WWP2: variants seen among roughly 807,000 people sequenced by gnomAD.
WWP2 encodes the protein NEDD4-like E3 ubiquitin-protein ligase WWP2.
A neutral mutation model predicts 121.0 loss-of-function variants in WWP2; 57 were observed. That is an observed-to-expected ratio of 0.47 (90% CI 0.38 to 0.59). The LOEUF is 0.59. WWP2 is among the 20% of genes least tolerant of loss of function. The pLI is 0.00. For missense variants in WWP2, 962 were observed against 1,158.9 expected (o/e 0.83, Z 2.47); for synonymous variants, 449 against 441.3 (o/e 1.02, Z -0.22).
chr16:69,927,737 G>A (rs1377957029), intron 11 of WWP2, among the ~76,000 whole-genome samples: 1 of 152,278 alleles, frequency 6.6e-6, no homozygotes, highest in East Asian at 1.9e-4. Flanking sequence ...CTCTTGGGAA[G>A]CCTTCCTTCT....
intron 8 of WWP2, among the ~76,000 whole-genome samples, chr16:69,895,635 C>CT (rs2058093900): frequency 6.6e-6 from 1 of 152,120 alleles, no homozygotes; most frequent in Admixed American, 6.5e-5. Flanking sequence ...CTGTGTGCAC[C>CT]TGTGATCCTA....
chr16:69,780,334 T>G (rs546479761), intron 1 of WWP2, among the ~76,000 whole-genome samples: 1 of 152,006 alleles, frequency 6.6e-6, no homozygotes, highest in South Asian at 2.1e-4. Context: ...TCAGGTACTA[T>G]ATAGCATTCC....
chr16:69,831,427 G>C (rs1335737180), intron 4 of WWP2, among the ~76,000 whole-genome samples: 1 of 152,076 alleles, frequency 6.6e-6, no homozygotes, highest in African/African-American at 2.4e-5. Context: ...ATAGTAGCAT[G>C]GTCTGGCAGT....
intron 16 of WWP2, 63 bp downstream of exon 16, chr16:69,931,953 G>T: frequency 6.8e-7 from 1 of 1,478,496 alleles, no homozygotes; most frequent in Admixed American, 1.8e-5. Context: ...AGCATCAATG[G>T]CCAGAAAGCT....
At chr16:69,785,202 C>T (rs113126692) in intron 1 of WWP2, among the ~76,000 whole-genome samples, 9 of 143,080 alleles carry the variant, frequency 6.3e-5, no homozygotes, top group African/African-American at 2.1e-4. Context: ...TACTGTACCA[C>T]TCCAGCTTAG....
intron 1 of WWP2, among the ~76,000 whole-genome samples, chr16:69,786,555 AT>A (rs749433267): frequency 3.5e-5 from 5 of 143,470 alleles, no homozygotes; most frequent in East Asian, 2.1e-4. Context: ...GGCTCAAGTG[AT>A]TCTCCTGCCT....
chr16:69,909,585 T>A (rs1476448716), intron 9 of WWP2: 4 of 985,292 alleles, frequency 4.1e-6, no homozygotes, highest in Non-Finnish European at 4.8e-6. Context: ...TGAGTTTTCC[T>A]TTTTTCCGTA....
intron 19 of WWP2, chr16:69,936,729 C>T (rs2058804624): frequency 1.9e-6 from 1 of 524,820 alleles, no homozygotes; most frequent in Admixed American, 3.2e-5. Context: ...CAAGCTGAGA[C>T]ATCTGCATCT....
At chr16:69,931,488 C>A (rs972878896) in intron 14 of WWP2, 21 bp from the exon 15 acceptor site, 117 of 1,610,770 alleles carry the variant, frequency 7.3e-5, no homozygotes, top group Non-Finnish European at 9.7e-5. Context: ...ATTTAAAGTT[C>A]TTTTCTTTTT....
chr16:69,874,012 C>G (rs1315871883), intron 7 of WWP2, among the ~76,000 whole-genome samples: 1 of 152,050 alleles, frequency 6.6e-6, no homozygotes, highest in East Asian at 1.9e-4. Flanking sequence ...TCTTCAAAAG[C>G]CAGGCGTCTC....
chr16:69,839,598 A>G (rs867159640), intron 4 of WWP2, among the ~76,000 whole-genome samples: 44 of 152,116 alleles, frequency 2.9e-4, no homozygotes, highest in African/African-American at 9.2e-4. Context: ...CATTGTTTTA[A>G]CTTTTTTTTC....
intron 7 of WWP2, among the ~76,000 whole-genome samples, chr16:69,877,112 A>G (rs1039396624): frequency 2.6e-5 from 4 of 152,202 alleles, no homozygotes; most frequent in African/African-American, 9.7e-5. Context: ...TTATCTATGA[A>G]TGTCCAAGAT....
intron 4 of WWP2, among the ~76,000 whole-genome samples, chr16:69,824,118 T>G (rs2056641258): frequency 6.6e-6 from 1 of 152,212 alleles, no homozygotes; most frequent in East Asian, 1.9e-4. Context: ...CACCAGTCAT[T>G]CGGGCGGCTT....
At chr16:69,939,316 C>T (rs758221040) in intron 22 of WWP2, 25 bp from the exon 23 acceptor site, 45 of 1,613,768 alleles carry the variant, frequency 2.8e-5, no homozygotes, top group Admixed American at 6.7e-5. Context: ...CTGCTGACGT[C>T]GGCGTGTTTT....
At chr16:69,874,307 G>A (rs936463203) in intron 7 of WWP2, among the ~76,000 whole-genome samples, 3 of 152,290 alleles carry the variant, frequency 2.0e-5, no homozygotes, top group Admixed American at 6.5e-5. Flanking sequence ...AGGACCAGAG[G>A]GGGGTCGAGG....
chr16:69,937,365 G>C lies in WWP2; in HGVS notation c.2238+127G>C, dbSNP rs1455194539. 9 of 1,481,440 alleles carry C rather than the reference G, an allele frequency of 6.1e-6. No homozygotes were observed. Among genetic ancestry groups the C allele is most frequent in the East Asian group, 2.3e-5 (1 of 42,728 alleles). The allele number at this position is 1,481,440 out of a possible 1,614,324, so 91.8% of individuals were successfully genotyped here. A position where few individuals can be genotyped will look rare whatever the true frequency, so the allele number is the denominator to read the frequency against. ...CCACTTCGGCAGGGCAGATGGGTTT[G>C]ATTTGGGACCCACCCTTCCCCAGAC... is the stretch of plus-strand genomic sequence containing the variant. On this transcript the variant is annotated intron_variant, in intron 20 of 23. Transcript: ENST00000359154. The surrounding 1 kb of genome is among the most constrained non-coding windows in gnomAD (Gnocchi z 6.6).
intron 4 of WWP2, among the ~76,000 whole-genome samples, chr16:69,831,034 G>A (rs2056784635): frequency 6.6e-6 from 1 of 152,166 alleles, no homozygotes; most frequent in Non-Finnish European, 1.5e-5. Context: ...CTTTTGATGG[G>A]CCTATGGGAT....
At chr16:69,911,396 A>G (rs375698966) in intron 9 of WWP2, among the ~76,000 whole-genome samples, 1 of 152,152 alleles carries the variant, frequency 6.6e-6, no homozygotes, top group African/African-American at 2.4e-5. Flanking sequence ...AGTGGCTCCA[A>G]CTCTTGCAAG....
chr16:69,894,319 G>A (rs1362793261), intron 8 of WWP2, among the ~76,000 whole-genome samples: 1 of 151,132 alleles, frequency 6.6e-6, no homozygotes, highest in African/African-American at 2.4e-5. Flanking sequence ...GGGCTCAAGC[G>A]ATCTTCCCGC....
Sources: allele counts gnomAD v4.1 joint callset (sites outside exome capture counted in the v4.1 genomes callset), GRCh38; gene constraint gnomAD v4.1.1; non-coding constraint Gnocchi (gnomAD v3.1); transcripts MANE v1.5; gene names NCBI Gene and HGNC (gene_info 2026-07-23, HGNC 2026-07-21).